The following RAMP1 variants were observed in gnomAD, a reference collection of about 807,000 sequenced individuals.
The protein encoded by RAMP1 is receptor activity modifying protein 1, also known as receptor activity-modifying protein 1.
In RAMP1, 7 loss-of-function variants were observed where a neutral mutation model predicts 8.2. That is an observed-to-expected ratio of 0.85 (90% CI 0.49 to 1.60). The LOEUF is 1.60. Among genes scored for constraint, RAMP1 ranks in the 40% most tolerant of loss-of-function variants. The pLI is 0.00. For synonymous variants in RAMP1, 92 were observed against 84.7 expected (o/e 1.09, Z -0.47); for missense variants, 192 against 202.4 (o/e 0.95, Z 0.31).
At position 237,859,633 on chromosome 2, in the gene RAMP1, G is replaced by C. The variant is rs1262091189; in HGVS notation, c.-43G>C. 2 of 1,402,764 alleles carry C rather than the reference G, an allele frequency of 1.4e-6. No individual in the cohort carries two copies. The highest frequency in any genetic ancestry group is 3.0e-5 in the African/African-American group (2 of 66,724). 86.9% of individuals were successfully genotyped at this position (1,402,764 alleles called of 1,614,324 possible). A position where few individuals can be genotyped will look rare whatever the true frequency, so the allele number is the denominator to read the frequency against. On this transcript the variant is annotated 5_prime_UTR_variant, in exon 1 of 3. Coordinates refer to ENST00000254661, the MANE Select transcript of RAMP1 (RefSeq NM_005855.4). ...CGCCGCGGCGGGCTCAGTCCTCAGC[G>C]GGGCGCGTGGCGAGCGGACTCGACT... is the stretch of plus-strand genomic sequence containing the variant.
chr2:237,872,470 T>C (rs1238820400), intron 1 of RAMP1, among the ~76,000 whole-genome samples: 1 of 152,180 alleles, frequency 6.6e-6, no homozygotes, highest in Non-Finnish European at 1.5e-5. Context: ...GCAGACACCC[T>C]GAGGAAGCCC....
rs190669016 is a variant in RAMP1, at chr2:237,908,872, T to C, written c.192-2656T>C. On this transcript the variant is annotated intron_variant, in intron 2 of 2. Coordinates refer to ENST00000254661, the MANE Select transcript of RAMP1 (RefSeq NM_005855.4). ...TCTGTGCCCTGGGGGTGACAGGCTG[T>C]GCTGTTCCTCCCTCAGCAGCCTAAG... Among the ~76,000 whole-genome samples, 1,220 of 152,288 alleles carry C rather than the reference T, an allele frequency of 8.0e-3. 18 individuals are homozygous for C. Among genetic ancestry groups the C allele is most frequent in the African/African-American group, 0.028 (1,165 of 41,554 alleles).
chr2:237,864,289 A>C (rs1329610804), intron 1 of RAMP1, among the ~76,000 whole-genome samples: 1 of 151,388 alleles, frequency 6.6e-6, no homozygotes, highest in African/African-American at 2.5e-5. Context: ...CTGGGAGGAG[A>C]AAAGTCAGTG....
intron 1 of RAMP1, among the ~76,000 whole-genome samples, chr2:237,869,441 C>G (rs2062222958): frequency 6.6e-6 from 1 of 152,144 alleles, no homozygotes; most frequent in Non-Finnish European, 1.5e-5. Context: ...ACACTAACCC[C>G]CTGCTGATTT....
chr2:237,885,964 G>A (rs766269441), intron 2 of RAMP1, among the ~76,000 whole-genome samples: 12 of 152,166 alleles, frequency 7.9e-5, no homozygotes, highest in South Asian at 2.1e-4. Flanking sequence ...CCGGGTCCTC[G>A]AAGACTCCAG....
At chr2:237,906,622 A>C (rs990120107) in intron 2 of RAMP1, among the ~76,000 whole-genome samples, 2 of 150,614 alleles carry the variant, frequency 1.3e-5, no homozygotes, top group African/African-American at 4.9e-5. Context: ...CTTTCTTATC[A>C]CTGAAGAACT....
intron 2 of RAMP1, among the ~76,000 whole-genome samples, chr2:237,886,156 C>G (rs2062430544): frequency 6.6e-6 from 1 of 152,174 alleles, no homozygotes; most frequent in Non-Finnish European, 1.5e-5. Flanking sequence ...ACACAGCTGT[C>G]CAGGGCTGGG....
intron 2 of RAMP1, among the ~76,000 whole-genome samples, chr2:237,891,521 G>A (rs541596839): frequency 5.9e-5 from 9 of 152,254 alleles, no homozygotes; most frequent in African/African-American, 2.2e-4. Context: ...CCTTAGGTAA[G>A]TATATTTTAA....
chr2:237,895,891 A>G (rs2151018234), intron 2 of RAMP1, among the ~76,000 whole-genome samples: 1 of 152,206 alleles, frequency 6.6e-6, no homozygotes, highest in South Asian at 2.1e-4. Context: ...TGTCACACCC[A>G]TGTCCCCGTG....
chr2:237,873,509 G>A (rs536641896), intron 1 of RAMP1, among the ~76,000 whole-genome samples: 19 of 152,266 alleles, frequency 1.2e-4, no homozygotes, highest in African/African-American at 4.1e-4. Flanking sequence ...TTTCAGGGGC[G>A]CTGTCCTGCT....
Position 237,895,775 on chromosome 2 carries a change from G to A in RAMP1, c.192-15753G>A, listed in dbSNP as rs528500011. Among the ~76,000 whole-genome samples, 19 of 152,278 alleles carry A rather than the reference G, an allele frequency of 1.2e-4. No homozygotes were observed. In the East Asian group the frequency reaches 2.7e-3, roughly 22 times the overall value. On this transcript the variant is annotated intron_variant, in intron 2 of 2. Transcript: ENST00000254661. ...AGGGGTGGATAGGAAGGCAGAGCCCGTCCAGCCTCCAGGCCAGCGTTGCTT... is the reference window on the plus strand; with the variant it reads ...AGGGGTGGATAGGAAGGCAGAGCCCATCCAGCCTCCAGGCCAGCGTTGCTT...
chr2:237,907,829 T>G (rs2062668319), intron 2 of RAMP1, among the ~76,000 whole-genome samples: 1 of 152,146 alleles, frequency 6.6e-6, no homozygotes, highest in Non-Finnish European at 1.5e-5. Context: ...TGACAATGGG[T>G]TGGTTGTTTT....
rs1480964046 is a variant in RAMP1, at chr2:237,862,016, T to G, written c.52+2289T>G. Among the ~76,000 whole-genome samples, 1 of 152,004 alleles carries G rather than the reference T, an allele frequency of 6.6e-6. No individual in the cohort carries two copies. Among genetic ancestry groups the G allele is most frequent in the Non-Finnish European group, 1.5e-5 (1 of 67,990 alleles). On this transcript the variant is annotated intron_variant, in intron 1 of 2. Coordinates refer to ENST00000254661, the MANE Select transcript of RAMP1 (RefSeq NM_005855.4). This position sits in a 1 kb window ranked among gnomAD's most constrained non-coding sequence, Gnocchi z 4.0. ...AGAAGGATGCGTTAGAAGCCCCTGG[T>G]TTTTCGAGTCCATCTTCACTCAGGG...
rs2062719659 is a variant in RAMP1 at position 237,911,823 on chromosome 2, G to C, written c.*40G>C. ...GCCCGCGGGTGCACCCAGGCTGCAG[G>C]GTGAGGCCAGGCAGGCCTGGGTAGG... On this transcript the variant is annotated 3_prime_UTR_variant, in exon 3 of 3. Transcript: ENST00000254661. 1 of 1,551,888 alleles carries C rather than the reference G, an allele frequency of 6.4e-7. No individual in the cohort carries two copies.
At chr2:237,887,592 G>A (rs2062446627) in intron 2 of RAMP1, among the ~76,000 whole-genome samples, 2 of 152,234 alleles carry the variant, frequency 1.3e-5, no homozygotes, top group South Asian at 2.1e-4. Context: ...ACACTGGCAC[G>A]CTGTGGTTCC....
chr2:237,896,499 G>A lies in RAMP1; in HGVS notation c.192-15029G>A, dbSNP rs899959680. Among the ~76,000 whole-genome samples, 7 of 152,218 alleles carry A rather than the reference G, an allele frequency of 4.6e-5. No homozygotes were observed. The East Asian group carries it at 5.8e-4, about 13-fold the overall frequency. ...CAGCCCCCAGGCAGACCCCTGGACC[G>A]TTCCCCAGTCTGCACTGCCGCCTCA... On this transcript the variant is annotated intron_variant, in intron 2 of 2. Coordinates refer to ENST00000254661, the MANE Select transcript of RAMP1 (RefSeq NM_005855.4).
chr2:237,899,314 G>A (rs1008937175), intron 2 of RAMP1, among the ~76,000 whole-genome samples: 5 of 152,158 alleles, frequency 3.3e-5, no homozygotes, highest in Non-Finnish European at 5.9e-5. Flanking sequence ...CAGGTGACCC[G>A]CCCGCCTCGG....
chr2:237,864,267 G>A (rs910795364), intron 1 of RAMP1, among the ~76,000 whole-genome samples: 11 of 152,226 alleles, frequency 7.2e-5, no homozygotes, highest in African/African-American at 2.7e-4. Flanking sequence ...ACTGTCTTGA[G>A]TCTGACACCA....
chr2:237,904,870 G>C (rs541077404), intron 2 of RAMP1, among the ~76,000 whole-genome samples: 1 of 152,318 alleles, frequency 6.6e-6, no homozygotes, highest in East Asian at 1.9e-4. Flanking sequence ...CCAGGTCTAT[G>C]GGTGACAGGG....
Sources: gnomAD v4.1 joint callset for allele counts (sites outside exome capture counted in the v4.1 genomes callset) on GRCh38, gnomAD v4.1.1 for gene constraint, Gnocchi (gnomAD v3.1) non-coding constraint, MANE v1.5 for transcripts, NCBI Gene and HGNC (gene_info 2026-07-23, HGNC 2026-07-21) for gene names.